The following TSHZ2 variants were observed in gnomAD, a reference collection of about 807,000 sequenced individuals.
TSHZ2 encodes teashirt homolog 2.
Under a neutral mutation model 74.4 loss-of-function variants are expected in TSHZ2, and 21 were observed. The ratio of observed to expected loss-of-function variants is 0.28; its 90% confidence interval spans 0.20 to 0.41. The LOEUF is 0.41. TSHZ2 is among the 10% of genes least tolerant of loss of function. The probability of loss-of-function intolerance (pLI) is 1.00; values close to 1 mark genes in which losing one functional copy is unlikely to be tolerated. For missense variants in TSHZ2, 1,244 were observed against 1,293.5 expected (o/e 0.96, Z 0.59); for synonymous variants, 540 against 515.3 (o/e 1.05, Z -0.65).
In TSHZ2 at chr20:53,256,425, C is replaced by T; in HGVS notation, c.2967C>T (p.Asp989=). ...RSPETIAAEE[D]TDSKFKCKLC... ...CAGAAACAATAGCTGCCGAAGAGGA[C>T]ACAGACTCTAAATTCAAGTGTAAGT... Residue 989 remains aspartate (D), a synonymous_variant, in exon 2 of 3, where the codon GAC becomes GAT. Transcript: ENST00000371497. This position sits in a 1 kb window ranked among gnomAD's most constrained non-coding sequence, Gnocchi z 4.3. 1 of 1,614,102 alleles carries T rather than the reference C, an allele frequency of 6.2e-7. No homozygotes were observed. Among genetic ancestry groups the T allele is most frequent in the Non-Finnish European group, 8.5e-7 (1 of 1,179,950 alleles).
chr20:53,084,570 A>G (rs948853726), intron 1 of TSHZ2, among the ~76,000 whole-genome samples: 2 of 148,702 alleles, frequency 1.3e-5, no homozygotes, highest in African/African-American at 5.0e-5. Context: ...TTCATGTTCA[A>G]TTTTTAAAAA....
At chr20:53,322,121 C>T (rs1370518060) in intron 2 of TSHZ2, among the ~76,000 whole-genome samples, 1 of 152,174 alleles carries the variant, frequency 6.6e-6, no homozygotes, top group East Asian at 1.9e-4. Context: ...ACTCTATTTT[C>T]CTATCTGTAA....
intron 2 of TSHZ2, among the ~76,000 whole-genome samples, chr20:53,347,422 C>G (rs960149347): frequency 5.3e-5 from 8 of 151,972 alleles, no homozygotes; most frequent in Non-Finnish European, 7.4e-5. Context: ...TTGCTCAACA[C>G]CCCCTACTTC....
chr20:53,175,046 G>A (rs1034048076), intron 1 of TSHZ2, among the ~76,000 whole-genome samples: 4 of 150,998 alleles, frequency 2.6e-5, no homozygotes, highest in South Asian at 2.1e-4. Context: ...AGAATGAGAC[G>A]TAACGGGGGC....
chr20:53,037,743 G>C (rs573362407), intron 1 of TSHZ2, among the ~76,000 whole-genome samples: 27 of 152,318 alleles, frequency 1.8e-4, no homozygotes, highest in Middle Eastern at 3.4e-3. Flanking sequence ...TGGCTGCTGT[G>C]AGCACCGGGA....
At chr20:53,054,804 T>A (rs1472552265) in intron 1 of TSHZ2, among the ~76,000 whole-genome samples, 1 of 152,196 alleles carries the variant, frequency 6.6e-6, no homozygotes, top group Non-Finnish European at 1.5e-5. Flanking sequence ...TTTGTATTCA[T>A]GGGCTATGGG....
intron 1 of TSHZ2, among the ~76,000 whole-genome samples, chr20:53,177,960 C>A (rs916785225): frequency 6.6e-6 from 1 of 152,174 alleles, no homozygotes; most frequent in African/African-American, 2.4e-5. Flanking sequence ...GCATTGTAAG[C>A]ACTCTGGAAA....
intron 1 of TSHZ2, among the ~76,000 whole-genome samples, chr20:53,120,960 A>G (rs1986791741): frequency 6.6e-6 from 1 of 152,182 alleles, no homozygotes; most frequent in South Asian, 2.1e-4. Context: ...ATGATATTCG[A>G]TACAAATAGT....
chr20:53,112,527 T>C (rs1438308029), intron 1 of TSHZ2, among the ~76,000 whole-genome samples: 2 of 152,178 alleles, frequency 1.3e-5, no homozygotes, highest in East Asian at 1.9e-4. Flanking sequence ...TCATTTTTTG[T>C]TGGTTTTTTG....
chr20:52,973,349 C>T lies in TSHZ2; in HGVS notation c.40+16C>T, dbSNP rs1419734115. On this transcript the variant is annotated intron_variant, in intron 1 of 2. Transcript: ENST00000371497. ...CGGGCGGCAGGTAAGAGAAACGGCT[C>T]CGCTTCGGGGCTGCCCTGTGCGCCG... The T allele has an allele frequency of 6.4e-7, 1 of 1,551,214 alleles. No individual in the cohort carries two copies. The highest frequency in any genetic ancestry group is 1.2e-5 in the South Asian group (1 of 84,018).
intron 2 of TSHZ2, among the ~76,000 whole-genome samples, chr20:53,259,223 A>G (rs1349881911): frequency 6.6e-6 from 1 of 152,258 alleles, no homozygotes; most frequent in Non-Finnish European, 1.5e-5. Context: ...ATGATATTTT[A>G]GAAAGTATGA....
intron 2 of TSHZ2, among the ~76,000 whole-genome samples, chr20:53,460,769 C>G (rs1985327941): frequency 1.3e-5 from 2 of 152,296 alleles, no homozygotes; most frequent in South Asian, 4.1e-4. Context: ...TTCTAACAGA[C>G]AGGACCCTCA....
chr20:53,038,764 T>G (rs992575265), intron 1 of TSHZ2, among the ~76,000 whole-genome samples: 1 of 152,160 alleles, frequency 6.6e-6, no homozygotes, highest in African/African-American at 2.4e-5. Flanking sequence ...AGGTACTGAC[T>G]GTTGTTATTG....
At chr20:53,124,290 G>T (rs6097247) in intron 1 of TSHZ2, among the ~76,000 whole-genome samples, 3 of 152,206 alleles carry the variant, frequency 2.0e-5, no homozygotes, top group African/African-American at 7.2e-5. Flanking sequence ...TCTGCAATCA[G>T]GCTTCTGTTG....
chr20:53,182,908 C>T (rs1178899871), intron 1 of TSHZ2, among the ~76,000 whole-genome samples: 3 of 152,126 alleles, frequency 2.0e-5, no homozygotes, highest in Non-Finnish European at 4.4e-5. Context: ...CACCTCATGG[C>T]GTTTTAATGA....
intron 2 of TSHZ2, among the ~76,000 whole-genome samples, chr20:53,385,824 T>C (rs1291008424): frequency 6.6e-6 from 1 of 151,948 alleles, no homozygotes; most frequent in Non-Finnish European, 1.5e-5. Context: ...CCTGGAACTT[T>C]CGAGAATCTG....
chr20:53,311,167 G>A (rs1978768176), intron 2 of TSHZ2, among the ~76,000 whole-genome samples: 1 of 152,144 alleles, frequency 6.6e-6, no homozygotes, highest in African/African-American at 2.4e-5. Context: ...GCTCATAAGA[G>A]GAAAATTGCC....
intron 1 of TSHZ2, among the ~76,000 whole-genome samples, chr20:53,147,478 TCA>T (rs1415874752): frequency 1.3e-5 from 2 of 152,248 alleles, no homozygotes; most frequent in African/African-American, 4.8e-5. Context: ...ACTTAAATGT[TCA>T]CAAAGATTTA....
chr20:53,327,317 T>C (rs894462577), intron 2 of TSHZ2, among the ~76,000 whole-genome samples: 1 of 152,202 alleles, frequency 6.6e-6, no homozygotes, highest in Non-Finnish European at 1.5e-5. Flanking sequence ...CGTACAGCCA[T>C]TAACTCTATT....
Sources: gnomAD v4.1 joint callset for allele counts (sites outside exome capture counted in the v4.1 genomes callset) on GRCh38, gnomAD v4.1.1 for gene constraint, Gnocchi (gnomAD v3.1) non-coding constraint, MANE v1.5 for transcripts, NCBI Gene and HGNC (gene_info 2026-07-23, HGNC 2026-07-21) for gene names.